The following TRIO variants were observed in gnomAD, a reference collection of about 807,000 sequenced individuals.
The protein encoded by TRIO is triple functional domain protein.
Under a neutral mutation model 351.9 loss-of-function variants are expected in TRIO, and 58 were observed. The ratio of observed to expected loss-of-function variants is 0.16; its 90% CI spans 0.13 to 0.21. TRIO has a LOEUF of 0.21. TRIO is among the 10% of genes least tolerant of loss of function. The pLI is 1.00. For synonymous variants in TRIO, 1,758 were observed against 1,595.7 expected (o/e 1.10, Z -2.42); for missense variants, 3,201 against 4,027.8 (o/e 0.79, Z 5.56).
chr5:14,434,651 C>T (rs1016069575), intron 34 of TRIO, among the ~76,000 whole-genome samples: 1 of 152,214 alleles, frequency 6.6e-6, no homozygotes, highest in African/African-American at 2.4e-5. Flanking sequence ...GTGCTCTTAA[C>T]TAAGCCCTGG....
intron 34 of TRIO, among the ~76,000 whole-genome samples, chr5:14,447,822 C>G (rs1282291326): frequency 6.6e-6 from 1 of 152,156 alleles, no homozygotes; most frequent in Non-Finnish European, 1.5e-5. Flanking sequence ...ACTATTATGC[C>G]CATGGGTTCA....
At chr5:14,396,057 A>AG (rs1162411262) in intron 28 of TRIO, among the ~76,000 whole-genome samples, 2 of 151,472 alleles carry the variant, frequency 1.3e-5, no homozygotes, top group African/African-American at 4.9e-5. Flanking sequence ...AAAAAAAAAA[A>AG]AAAAAAAAAA....
chr5:14,489,187 C>T (rs1756290055), intron 48 of TRIO: 3 of 586,156 alleles, frequency 5.1e-6, no homozygotes, highest in South Asian at 2.2e-5. Context: ...CTAGCTTTTG[C>T]ATGTCTTTCT....
intron 44 of TRIO, 103 bp from the exon 45 acceptor site, chr5:14,481,438 A>T: frequency 6.7e-7 from 1 of 1,497,622 alleles, no homozygotes; most frequent in Non-Finnish European, 9.3e-7. Flanking sequence ...TGCACACTAG[A>T]GGGTGGGGAG....
In TRIO at chr5:14,216,220, C is replaced by G. The variant is rs550878659; in HGVS notation, c.158-54605C>G. 2.6e-5 allele frequency among the ~76,000 whole-genome samples: 4 copies of G among 152,306 alleles called. No homozygotes were observed. In the East Asian group the frequency reaches 7.7e-4, roughly 29 times the overall value. On this transcript the variant is annotated intron_variant, in intron 1 of 56. Transcript: ENST00000344204. ...CCATAAGTTCAAGAGTTCTTTGAGT[C>G]TGCCCATAGCACTAGCTTTTTGATC...
rs767302275 is a variant in TRIO, at chr5:14,508,185, G to T, written c.9057G>T (p.Val3019=). ...FSFPDDYFKG[V]SQKAKEFVCF... ...TCCCAGATGACTACTTTAAAGGAGT[G>T]AGCCAGAAGGCCAAGGAGTTCGTGT... The change falls in exon 57 of 57, where the codon GTG becomes GTT. Residue 3019 remains valine, a synonymous_variant. Transcript: ENST00000344204. 1 of 1,614,168 alleles carries T rather than the reference G, an allele frequency of 6.2e-7. No individual in the cohort carries two copies. The highest frequency in any genetic ancestry group is 1.1e-5 in the South Asian group (1 of 91,088).
chr5:14,404,591 A>G (rs1008384225), intron 31 of TRIO, among the ~76,000 whole-genome samples: 3 of 152,180 alleles, frequency 2.0e-5, no homozygotes, highest in South Asian at 2.1e-4. Context: ...TTAAATTCCA[A>G]CCAATTTGTA....
intron 33 of TRIO, among the ~76,000 whole-genome samples, chr5:14,412,702 C>T (rs1749305696): frequency 6.6e-6 from 1 of 152,206 alleles, no homozygotes; most frequent in South Asian, 2.1e-4. Flanking sequence ...GAAATTGAGT[C>T]ATTTAATTCA....
chr5:14,400,945 A>G lies in TRIO; in HGVS notation c.4615-18A>G, dbSNP rs374903439. 71 of 1,610,696 alleles carry G rather than the reference A, an allele frequency of 4.4e-5. No individual in the cohort carries two copies. The highest frequency in any genetic ancestry group is 5.8e-5 in the Non-Finnish European group (68 of 1,177,792). Reference sequence around the variant, plus strand: ...GAATTTTACTGTCACCTAATTATATAATTGTCTTTTTATCCAGACCTCAGA... The same window carrying G: ...GAATTTTACTGTCACCTAATTATATGATTGTCTTTTTATCCAGACCTCAGA... On this transcript the variant is annotated intron_variant, in intron 30 of 56. Coordinates refer to ENST00000344204, the MANE Select transcript of TRIO (RefSeq NM_007118.4).
At chr5:14,262,594 A>T (rs905634908) in intron 1 of TRIO, among the ~76,000 whole-genome samples, 1 of 152,148 alleles carries the variant, frequency 6.6e-6, no homozygotes, top group Non-Finnish European at 1.5e-5. Context: ...AAGAACATCT[A>T]TTAGGAGATC....
intron 33 of TRIO, among the ~76,000 whole-genome samples, chr5:14,407,717 A>AT (rs2152381598): frequency 6.6e-6 from 1 of 152,352 alleles, no homozygotes; most frequent in East Asian, 1.9e-4. Flanking sequence ...AGCAGCCTAG[A>AT]GTATCTCATG....
At chr5:14,423,346 T>A (rs1309698300) in intron 34 of TRIO, among the ~76,000 whole-genome samples, 1 of 152,236 alleles carries the variant, frequency 6.6e-6, no homozygotes, top group Non-Finnish European at 1.5e-5. Flanking sequence ...GTGGGCTCAC[T>A]GTTGAAATCG....
At chr5:14,167,025 C>G (rs1033157095) in intron 1 of TRIO, among the ~76,000 whole-genome samples, 4 of 151,976 alleles carry the variant, frequency 2.6e-5, no homozygotes, top group African/African-American at 9.7e-5. Context: ...TGCACAATTC[C>G]TCAGTCTCTA....
In TRIO at chr5:14,234,504, T is replaced by C. The variant is rs183644125; in HGVS notation, c.158-36321T>C. 1.2e-4 allele frequency among the ~76,000 whole-genome samples: 19 copies of C among 152,318 alleles called. 1 individual carries two copies. The highest frequency in any genetic ancestry group is 9.8e-4 in the Admixed American group (15 of 15,302). On this transcript the variant is annotated intron_variant, in intron 1 of 56. Transcript: ENST00000344204. ...CCGTGAGCAGGTTTTGCAATCTCAG[T>C]AGATACCTGTGTGAGGGAAGGTTTA...
At chr5:14,151,406 G>C (rs995507499) in intron 1 of TRIO, among the ~76,000 whole-genome samples, 1 of 151,074 alleles carries the variant, frequency 6.6e-6, no homozygotes, top group Non-Finnish European at 1.5e-5. Flanking sequence ...GTGTGTGTGT[G>C]TGTATGTATG....
intron 11 of TRIO, among the ~76,000 whole-genome samples, chr5:14,341,320 A>G (rs994583414): frequency 2.6e-5 from 4 of 152,186 alleles, no homozygotes; most frequent in Non-Finnish European, 4.4e-5. Context: ...TCTCAAGGCA[A>G]TGGTAATGTG....
chr5:14,353,854 C>G (rs1169086304), intron 11 of TRIO, among the ~76,000 whole-genome samples: 2 of 152,204 alleles, frequency 1.3e-5, no homozygotes, highest in Non-Finnish European at 2.9e-5. Flanking sequence ...CCGGCCAGTT[C>G]TGAGTCATTT....
At chr5:14,274,998 G>A (rs527754336) in intron 2 of TRIO, among the ~76,000 whole-genome samples, 2 of 152,242 alleles carry the variant, frequency 1.3e-5, no homozygotes, top group South Asian at 2.1e-4. Context: ...CATATCCACC[G>A]GGTGGGTTGT....
intron 34 of TRIO, among the ~76,000 whole-genome samples, chr5:14,433,487 A>G (rs759095220): frequency 6.6e-6 from 1 of 152,232 alleles, no homozygotes; most frequent in Admixed American, 6.5e-5. Flanking sequence ...CTGTGCTTGA[A>G]GCCAGCACTG....
Sources: allele counts gnomAD v4.1 joint callset (sites outside exome capture counted in the v4.1 genomes callset), GRCh38; gene constraint gnomAD v4.1.1; transcripts MANE v1.5; gene names NCBI Gene and HGNC (gene_info 2026-07-23, HGNC 2026-07-21).